Variants in ZNF106 observed in about 807,000 individuals in gnomAD.
ZNF106 encodes the protein SH3-domain binding protein 3.
In ZNF106, 67 loss-of-function variants were observed where a neutral mutation model predicts 195.1. The ratio of observed to expected loss-of-function variants is 0.34; its 90% CI spans 0.28 to 0.42. The LOEUF is 0.42. Among genes scored for constraint, ZNF106 ranks in the 10% least tolerant of loss-of-function variants. ZNF106 has a pLI of 1.00. For synonymous variants in ZNF106, 784 were observed against 818.6 expected (o/e 0.96, Z 0.72); for missense variants, 2,118 against 2,304.5 (o/e 0.92, Z 1.66).
intron 14 of ZNF106, among the ~76,000 whole-genome samples, chr15:42,433,577 G>A (rs1303288108): frequency 6.6e-6 from 1 of 150,454 alleles, no homozygotes; most frequent in African/African-American, 2.5e-5. Context: ...CTGCCTCCTG[G>A]GTTCAAGTGA....
intron 1 of ZNF106, among the ~76,000 whole-genome samples, chr15:42,482,580 G>A (rs917949749): frequency 1.5e-5 from 2 of 135,874 alleles, no homozygotes; most frequent in Non-Finnish European, 1.5e-5. Context: ...CCAGGCTGGA[G>A]TGCAGTGGCA....
In ZNF106 at chr15:42,450,694, T is replaced by C; in HGVS notation, c.1578A>G (p.Ile526Met). 1 of 1,614,210 alleles carries C rather than the reference T, an allele frequency of 6.2e-7. No individual in the cohort carries two copies. The highest frequency in any genetic ancestry group is 2.2e-5 in the East Asian group (1 of 44,880). The change falls in exon 5 of 22, where the codon ATA becomes ATG. Residue 526 changes from isoleucine to methionine, a missense_variant. Coordinates refer to ENST00000564754, the MANE Select transcript of ZNF106 (RefSeq NM_001366845.3). ...GAGGACATGAACTACGCAGTTTGGA[T>C]ATGTAAGGACCATGGTTATCTTCCA... ...PTVEDNHGPY[I>M]SKLRSSCPHV...
At chr15:42,432,385 A>G (rs1371793629) in intron 14 of ZNF106, among the ~76,000 whole-genome samples, 1 of 151,616 alleles carries the variant, frequency 6.6e-6, no homozygotes, top group Non-Finnish European at 1.5e-5. Flanking sequence ...TCTGGAACTT[A>G]CAGTCTCAAG....
intron 3 of ZNF106, among the ~76,000 whole-genome samples, chr15:42,457,941 C>T (rs566661956): frequency 6.6e-6 from 1 of 152,254 alleles, no homozygotes; most frequent in African/African-American, 2.4e-5. Flanking sequence ...ATACTTCATG[C>T]AAATCTCACT....
chr15:42,425,094 C>T, intron 15 of ZNF106, 69 bp from the exon 16 acceptor site: 1 of 1,476,116 alleles, frequency 6.8e-7, no homozygotes, highest in Non-Finnish European at 9.4e-7. Context: ...AACATCATTA[C>T]CTTGGTACAA....
chr15:42,422,009 G>T, intron 18 of ZNF106, 21 bp from the exon 19 acceptor site: 1 of 1,525,928 alleles, frequency 6.6e-7, no homozygotes, highest in South Asian at 1.2e-5. Context: ...AAAAAAAAAA[G>T]AGAATTGAAG....
At position 42,437,297 on chromosome 15, in the gene ZNF106, G is replaced by A. The variant is rs2055317311; in HGVS notation, c.4681C>T (p.Gln1561Ter). 1.2e-6 allele frequency: 2 copies of A among 1,614,124 alleles called. No individual in the cohort carries two copies. Among genetic ancestry groups the A allele is most frequent in the Non-Finnish European group, 1.7e-6 (2 of 1,180,014 alleles). ...GTATATAGCAAGTTCCCAAATATCT[G>A]AATTGCATTTACGGCAGCTTGGTGT... The part of the protein sequence containing the change: ...EGHQAAVNAI[Q>*]IFGNLLYTCS... The change falls in exon 13 of 22, where the codon CAG becomes TAG. Residue 1561 changes from glutamine to a stop codon, truncating the protein, a stop_gained. Transcript: ENST00000564754. LOFTEE classifies it high-confidence loss of function.
At chr15:42,421,171 A>G in intron 19 of ZNF106, 39 bp from the exon 20 acceptor site, 1 of 1,576,700 alleles carries the variant, frequency 6.3e-7, no homozygotes, top group South Asian at 1.1e-5. Context: ...ACCAAAATAC[A>G]TACAAACTAC....
chr15:42,424,967 G>T lies in ZNF106; in HGVS notation c.5057C>A (p.Ala1686Asp), dbSNP rs777644820. Residue 1686 changes from alanine (A) to aspartate (D), a missense_variant, in exon 16 of 22, where the codon GCT becomes GAT. Physicochemically the swap from Ala to Asp is moderately radical, Grantham distance 126 (BLOSUM62 -2). Transcript: ENST00000564754. The stretch of plus-strand genomic sequence containing the variant: ...TTTTCGGGCACCTTCCTGAGCTGTA[G>T]CAAGACAGCTGACTGCCCGAGGGCC... ...CHGPRAVSCL[A>D]TAQEGARKLL... 1.2e-6 allele frequency: 2 copies of T among 1,614,058 alleles called. No individual in the cohort carries two copies. Among genetic ancestry groups the T allele is most frequent in the African/African-American group, 2.7e-5 (2 of 74,918 alleles).
At chr15:42,482,506 G>A (rs2056920267) in intron 1 of ZNF106, among the ~76,000 whole-genome samples, 1 of 145,244 alleles carries the variant, frequency 6.9e-6, no homozygotes, top group South Asian at 2.2e-4. Flanking sequence ...CTCTTAGGCA[G>A]TAGATGAAAT....
chr15:42,483,395 C>T (rs754148265), intron 1 of ZNF106, among the ~76,000 whole-genome samples: 4 of 152,082 alleles, frequency 2.6e-5, no homozygotes, highest in Admixed American at 2.6e-4. Context: ...CTCCATCATG[C>T]GATGGAGTAG....
At chr15:42,489,465 T>C (rs2057091898) in intron 1 of ZNF106, among the ~76,000 whole-genome samples, 1 of 151,638 alleles carries the variant, frequency 6.6e-6, no homozygotes, top group Non-Finnish European at 1.5e-5. Context: ...GCGTGAGCCA[T>C]CGCGCCTGGC....
At chr15:42,472,924 T>C (rs760724005) in intron 1 of ZNF106, among the ~76,000 whole-genome samples, 2 of 151,692 alleles carry the variant, frequency 1.3e-5, no homozygotes, top group Non-Finnish European at 2.9e-5. Context: ...GCAGAATTGC[T>C]TGAACCCAAG....
chr15:42,451,607 G>A lies in ZNF106; in HGVS notation c.665C>T (p.Thr222Ile), dbSNP rs147271079. Residue 222 changes from threonine (T) to isoleucine (I), a missense_variant, in exon 5 of 22, where the codon ACA (threonine) becomes ATA (isoleucine). Physicochemically the swap from Thr to Ile is moderately conservative, Grantham distance 89. Transcript: ENST00000564754. ...AGAAAGCCAACTGGAATTCCTTCCT[G>A]TACCATTATGATTCCAATCTACTGC... The part of the protein sequence containing the change: ...SGAVDWNHNG[T>I]GRNSSWLSEG... 7.4e-6 allele frequency: 12 copies of A among 1,613,980 alleles called. No individual in the cohort carries two copies. In the African/African-American group the frequency reaches 1.3e-4, roughly 18 times the overall value.
chr15:42,444,244 C>T lies in ZNF106; in HGVS notation c.3379G>A (p.Ala1127Thr), dbSNP rs763084512. Residue 1127 changes from alanine to threonine, a missense_variant, in exon 9 of 22, where the codon GCA becomes ACA. Transcript: ENST00000564754. ...ATCTGTATTCTATGGGTCCTCAGTGCACTCATCTCCATAGTTATCTAAAAA... is the reference window on the plus strand; with the variant it reads ...ATCTGTATTCTATGGGTCCTCAGTGTACTCATCTCCATAGTTATCTAAAAA... ...LKQQITMEMS[A>T]LRTHRIQILQ... The T allele has an allele frequency of 1.2e-5, 19 of 1,609,600 alleles. No individual in the cohort carries two copies. The highest frequency in any genetic ancestry group is 1.5e-5 in the Non-Finnish European group (18 of 1,177,528).
chr15:42,448,701 C>T lies in ZNF106; in HGVS notation c.2506G>A (p.Gly836Ser). ...QELGKGLPRFGIEMVPLVQNE... is the reference protein window; with the variant it reads ...QELGKGLPRFSIEMVPLVQNE... The stretch of plus-strand genomic sequence containing the variant: ...TGAACAAGGGGTACCATTTCTATGC[C>T]AAACCTTAAGGAAGAAAGAAAAAAT... The change falls in exon 6 of 22, where the codon GGC becomes AGC. Residue 836 changes from glycine (G) to serine (S), a missense_variant. By Grantham distance (56) the Gly-to-Ser change is moderately conservative (BLOSUM62 0). Transcript: ENST00000564754. The T allele has an allele frequency of 6.3e-7, 1 of 1,591,278 alleles. No homozygotes were observed. Among genetic ancestry groups the T allele is most frequent in the Non-Finnish European group, 8.5e-7 (1 of 1,173,920 alleles).
At position 42,417,968 on chromosome 15, in the gene ZNF106, TGAG is replaced by T. The variant is rs2054516972; in HGVS notation, c.5518-20_5518-18del. ...ACCATGCCACTGGAGAGAAAGAAAA[TGAG>T]GAGACTCGGTGAAAAAGGGTGCAGT... On this transcript the variant is annotated intron_variant, in intron 20 of 21. Coordinates refer to ENST00000564754, the MANE Select transcript of ZNF106 (RefSeq NM_001366845.3). The T allele has an allele frequency of 9.3e-6, 15 of 1,607,728 alleles. No homozygotes were observed. The highest frequency in any genetic ancestry group is 1.7e-5 in the Admixed American group (1 of 59,070).
chr15:42,424,897 A>G lies in ZNF106; in HGVS notation c.5127T>C (p.Asp1709=), dbSNP rs2054797739. 6.2e-7 allele frequency: 1 copy of G among 1,614,168 alleles called. No homozygotes were observed. ...GSYDCTISVR[D]ARNGLLLRTL... is the part of the protein sequence containing the mutation. ...TTCTGAGGAGCAGTCCATTCCGGGCATCGCGTACACTAATTGTGCAGTCAT... is the reference window on the plus strand; with the variant it reads ...TTCTGAGGAGCAGTCCATTCCGGGCGTCGCGTACACTAATTGTGCAGTCAT... Residue 1709 remains aspartate (D), a synonymous_variant, in exon 16 of 22, where the codon GAT becomes GAC. Coordinates refer to ENST00000564754, the MANE Select transcript of ZNF106 (RefSeq NM_001366845.3).
rs561439575 is a variant in ZNF106, at chr15:42,415,465, C to T, written c.*1839G>A. 1.3e-4 allele frequency: 59 copies of T among 455,002 alleles called. 1 individual carries two copies. The highest frequency in any genetic ancestry group is 1.1e-3 in the African/African-American group (57 of 49,956). The allele number at this position is 455,002 out of a possible 1,614,324, so 28.2% of individuals were successfully genotyped here. A position where few individuals can be genotyped will look rare whatever the true frequency, so the allele number is the denominator to read the frequency against. On this transcript the variant is annotated 3_prime_UTR_variant, in exon 22 of 22. Transcript: ENST00000564754. ...CATTTTTTGGATCAAGTAAGAACCA[C>T]TGGAGCCTTTCCTGGAAAAAAGAAC...
Sources: gnomAD v4.1 joint callset for allele counts (sites outside exome capture counted in the v4.1 genomes callset) on GRCh38, gnomAD v4.1.1 for gene constraint, MANE v1.5 for transcripts, NCBI Gene and HGNC (gene_info 2026-07-23, HGNC 2026-07-21) for gene names.